CUX2: variants seen among roughly 807,000 people sequenced by gnomAD.
The protein encoded by CUX2 is homeobox protein cut-like 2.
CUX2 carries 40 observed loss-of-function variants against 144.8 expected under a neutral mutation model. The observed-to-expected ratio is 0.28, with a 90% CI of 0.21 to 0.36. CUX2 has a LOEUF of 0.36. Among genes scored for constraint, CUX2 ranks in the 10% least tolerant of loss-of-function variants. The pLI is 1.00. For missense variants in CUX2, 1,615 were observed against 1,994.0 expected (o/e 0.81, Z 3.62); for synonymous variants, 827 against 875.6 (o/e 0.94, Z 0.98).
In CUX2 at chr12:111,348,979, C is replaced by T. The variant is rs556088754; in HGVS notation, c.*654C>T. 5 of 152,752 alleles carry T rather than the reference C, an allele frequency of 3.3e-5. No homozygotes were observed. The East Asian group carries it at 5.8e-4, about 18-fold the overall frequency. The allele number at this position is 152,752 out of a possible 1,614,324, so 9.5% of individuals were successfully genotyped here. Reference sequence around the variant, plus strand: ...AGACTCTAAACAAAAACCTCGACGCCGTTGAGGATGTGTTTCATTCTGGTG... The same window carrying T: ...AGACTCTAAACAAAAACCTCGACGCTGTTGAGGATGTGTTTCATTCTGGTG... On this transcript the variant is annotated 3_prime_UTR_variant, in exon 22 of 22. Coordinates refer to ENST00000261726, the MANE Select transcript of CUX2 (RefSeq NM_015267.4).
intron 1 of CUX2, among the ~76,000 whole-genome samples, chr12:111,187,851 T>C (rs895111410): frequency 2.0e-5 from 3 of 152,212 alleles, no homozygotes; most frequent in Non-Finnish European, 2.9e-5. Flanking sequence ...AGAATGGGCC[T>C]GGAGTGCTGG....
intron 1 of CUX2, among the ~76,000 whole-genome samples, chr12:111,189,977 T>C (rs142662906): frequency 1.3e-5 from 2 of 152,230 alleles, no homozygotes; most frequent in Non-Finnish European, 2.9e-5. Flanking sequence ...ATCCACATCC[T>C]TGTCAACACT....
At chr12:111,281,357 C>T (rs1308663858) in intron 4 of CUX2, among the ~76,000 whole-genome samples, 1 of 152,122 alleles carries the variant, frequency 6.6e-6, no homozygotes, top group Non-Finnish European at 1.5e-5. Flanking sequence ...CAGATCTTCC[C>T]TGCTTCTCAG....
intron 4 of CUX2, among the ~76,000 whole-genome samples, chr12:111,282,009 C>T (rs1885134307): frequency 6.6e-6 from 1 of 152,122 alleles, no homozygotes; most frequent in South Asian, 2.1e-4. Context: ...GTGTATTGGT[C>T]AGCTCCAGCT....
chr12:111,191,451 C>T (rs1000516956), intron 1 of CUX2, among the ~76,000 whole-genome samples: 1 of 152,124 alleles, frequency 6.6e-6, no homozygotes, highest in African/African-American at 2.4e-5. Context: ...CCTGCCTCAG[C>T]TTCCGGAGTA....
At chr12:111,042,833 A>C (rs1869816682) in intron 1 of CUX2, among the ~76,000 whole-genome samples, 2 of 147,890 alleles carry the variant, frequency 1.4e-5, no homozygotes, top group African/African-American at 2.5e-5. Context: ...TGGAGGTCTC[A>C]CCATGCTACC....
intron 1 of CUX2, among the ~76,000 whole-genome samples, chr12:111,146,507 T>C (rs971940078): frequency 6.6e-6 from 1 of 152,102 alleles, no homozygotes; most frequent in Non-Finnish European, 1.5e-5. Flanking sequence ...CCCCAGGAAA[T>C]GAGAACAGAT....
At chr12:111,196,813 T>G (rs1402739251) in intron 1 of CUX2, among the ~76,000 whole-genome samples, 2 of 152,206 alleles carry the variant, frequency 1.3e-5, no homozygotes, top group Admixed American at 1.3e-4. Context: ...AGGAGGCTAG[T>G]GGCTGCTGTA....
Position 111,306,883 on chromosome 12 carries a change from C to T in CUX2, c.859-38C>T, listed in dbSNP as rs755814432. The T allele has an allele frequency of 4.6e-6, 7 of 1,533,374 alleles. No homozygotes were observed. The Admixed American group carries it at 9.8e-5, about 22-fold the overall frequency. 95.0% of individuals were successfully genotyped at this position (1,533,374 alleles called of 1,614,324 possible). ...AGGCCAGACCTGTGGACCCCCATCC[C>T]TCACCTCTCAGCCCCTCAAAGACCC... On this transcript the variant is annotated intron_variant, in intron 10 of 21. Transcript: ENST00000261726.
At chr12:111,072,815 C>G (rs1871306281) in intron 1 of CUX2, among the ~76,000 whole-genome samples, 1 of 152,214 alleles carries the variant, frequency 6.6e-6, no homozygotes, top group Non-Finnish European at 1.5e-5. Flanking sequence ...CCTCCCCCAA[C>G]CCCAACTTCA....
At position 111,059,920 on chromosome 12, in the gene CUX2, A is replaced by G. The variant is rs1592855760; in HGVS notation, c.63+25680A>G. Among the ~76,000 whole-genome samples, 1 of 152,056 alleles carries G rather than the reference A, an allele frequency of 6.6e-6. No homozygotes were observed. The highest frequency in any genetic ancestry group is 1.5e-5 in the Non-Finnish European group (1 of 67,992). ...CCCCGACCTTGGGATCCTGACTCAC[A>G]TGGTCTTTCCAGCAGGTCCAGGGCT... On this transcript the variant is annotated intron_variant, in intron 1 of 21. Transcript: ENST00000261726. The surrounding 1 kb of genome is among the most constrained non-coding windows in gnomAD (Gnocchi z 5.3).
At chr12:111,262,848 A>G (rs1201403646) in intron 3 of CUX2, among the ~76,000 whole-genome samples, 1 of 152,174 alleles carries the variant, frequency 6.6e-6, no homozygotes, top group Admixed American at 6.5e-5. Context: ...GACGTGTCCC[A>G]CTTTCCTCCT....
chr12:111,125,957 C>T (rs558491712), intron 1 of CUX2, among the ~76,000 whole-genome samples: 2 of 151,972 alleles, frequency 1.3e-5, no homozygotes, highest in East Asian at 3.9e-4. Context: ...GCCAAATGGG[C>T]CACCGGGTTA....
intron 1 of CUX2, among the ~76,000 whole-genome samples, chr12:111,088,189 T>C (rs553074362): frequency 1.3e-5 from 2 of 152,082 alleles, no homozygotes; most frequent in Non-Finnish European, 2.9e-5. Flanking sequence ...CTGGGGGTGA[T>C]GAAATGCTCT....
chr12:111,179,742 T>TCTCA (rs1879057803), intron 1 of CUX2, among the ~76,000 whole-genome samples: 1 of 151,908 alleles, frequency 6.6e-6, no homozygotes, highest in South Asian at 2.1e-4. Flanking sequence ...AGTGGTGCGA[T>TCTCA]CTCAGCTCAC....
chr12:111,282,321 CAA>C (rs35466467), intron 4 of CUX2, among the ~76,000 whole-genome samples: 129 of 119,800 alleles, frequency 1.1e-3, no homozygotes, highest in Non-Finnish European at 1.2e-3. Context: ...AACCCCATCT[CAA>C]AAAAAAAAAA....
In CUX2 at chr12:111,263,433, G is replaced by A. The variant is rs1032093887; in HGVS notation, c.223-328G>A. 6.6e-6 allele frequency among the ~76,000 whole-genome samples: 1 copy of A among 152,092 alleles called. No homozygotes were observed. The highest frequency in any genetic ancestry group is 1.5e-5 in the Non-Finnish European group (1 of 68,014). On this transcript the variant is annotated intron_variant, in intron 3 of 21. Transcript: ENST00000261726. The surrounding 1 kb of genome is among the most constrained non-coding windows in gnomAD (Gnocchi z 4.0). Reference sequence around the variant, plus strand: ...CCATCCTGGCCAACGTGGTCAAACCGTCTCTACCAAAAGTACAAAAAAATT... The same window carrying A: ...CCATCCTGGCCAACGTGGTCAAACCATCTCTACCAAAAGTACAAAAAAATT...
At chr12:111,181,651 C>T (rs539719049) in intron 1 of CUX2, among the ~76,000 whole-genome samples, 18 of 152,310 alleles carry the variant, frequency 1.2e-4, no homozygotes, top group African/African-American at 2.2e-4. Flanking sequence ...GGCAGGCCTG[C>T]GCAGATCTAT....
At chr12:111,123,339 C>T (rs569217691) in intron 1 of CUX2, among the ~76,000 whole-genome samples, 3 of 152,280 alleles carry the variant, frequency 2.0e-5, no homozygotes, top group South Asian at 4.1e-4. Flanking sequence ...CACACCACCA[C>T]GCCCAGCTAA....
Sources: allele counts gnomAD v4.1 joint callset (sites outside exome capture counted in the v4.1 genomes callset), GRCh38; gene constraint gnomAD v4.1.1; non-coding constraint Gnocchi (gnomAD v3.1); transcripts MANE v1.5; gene names NCBI Gene and HGNC (gene_info 2026-07-23, HGNC 2026-07-21).